FRMD4A: variants seen among roughly 807,000 people sequenced by gnomAD.
The protein encoded by FRMD4A is FERM domain-containing protein 4A.
In FRMD4A, 29 loss-of-function variants were observed where a neutral mutation model predicts 129.1. The observed-to-expected ratio is 0.22, with a 90% confidence interval of 0.17 to 0.31. The LOEUF is 0.31. Ranked by LOEUF, FRMD4A falls within the 10% of genes least tolerant of loss-of-function variation. The pLI, the probability that FRMD4A is intolerant of heterozygous loss-of-function variation, is 1.00. For missense variants in FRMD4A, 1,272 were observed against 1,375.8 expected, an observed-to-expected ratio of 0.92 and a Z score of 1.19; for synonymous variants, 634 against 571.6, an observed-to-expected ratio of 1.11 and a Z score of -1.56.
chr10:14,020,232 T>C (rs767088655), intron 2 of FRMD4A, among the ~76,000 whole-genome samples: 1 of 152,214 alleles, frequency 6.6e-6, no homozygotes, highest in Non-Finnish European at 1.5e-5. Context: ...CCCAGCAGCA[T>C]AGCAGCAGCC....
intron 8 of FRMD4A, among the ~76,000 whole-genome samples, chr10:13,751,285 G>A (rs2091610783): frequency 6.6e-6 from 1 of 152,118 alleles, no homozygotes; most frequent in Non-Finnish European, 1.5e-5. Context: ...GAGTTCTCTA[G>A]CTCTGCTCCA....
At chr10:13,972,719 C>G (rs567151695) in intron 2 of FRMD4A, among the ~76,000 whole-genome samples, 1 of 152,130 alleles carries the variant, frequency 6.6e-6, no homozygotes, top group Non-Finnish European at 1.5e-5. Flanking sequence ...CATCTGCATC[C>G]TAATTCAATA....
At chr10:14,322,019 T>C (rs1249322078) in intron 2 of FRMD4A, among the ~76,000 whole-genome samples, 1 of 152,190 alleles carries the variant, frequency 6.6e-6, no homozygotes, top group Non-Finnish European at 1.5e-5. Context: ...TCCACCATGA[T>C]TGTAAGTTTC....
chr10:13,736,421 G>A (rs4750402), intron 12 of FRMD4A, among the ~76,000 whole-genome samples: 17,882 of 152,088 alleles, frequency 0.12, 1,267 homozygotes, highest in Non-Finnish European at 0.16. Context: ...GGAGATAGCC[G>A]CAAAACAACA....
At chr10:14,182,943 T>C (rs1841960190) in intron 2 of FRMD4A, among the ~76,000 whole-genome samples, 1 of 152,172 alleles carries the variant, frequency 6.6e-6, no homozygotes, top group South Asian at 2.1e-4. Flanking sequence ...AATCCTATTC[T>C]TGAAGGTGGC....
chr10:14,006,563 G>C (rs975419058), intron 2 of FRMD4A, among the ~76,000 whole-genome samples: 2 of 152,138 alleles, frequency 1.3e-5, no homozygotes, highest in African/African-American at 2.4e-5. Flanking sequence ...CAGGCGACTG[G>C]ATTTGTGTGT....
At chr10:13,685,574 C>T in intron 15 of FRMD4A, 1 of 985,102 alleles carries the variant, frequency 1.0e-6, no homozygotes, top group South Asian at 4.7e-5. Flanking sequence ...CATCCTCATT[C>T]TGTGCTCCCA....
intron 2 of FRMD4A, among the ~76,000 whole-genome samples, chr10:14,031,951 C>T (rs969271981): frequency 2.0e-5 from 3 of 151,848 alleles, no homozygotes; most frequent in African/African-American, 2.4e-5. Flanking sequence ...TTAGAGTCAG[C>T]GGCCTTGGTT....
chr10:14,220,176 A>C (rs990218655), intron 2 of FRMD4A, among the ~76,000 whole-genome samples: 3 of 152,168 alleles, frequency 2.0e-5, no homozygotes, highest in African/African-American at 7.2e-5. Context: ...ACTGTTCAGC[A>C]CTGATGAACT....
intron 3 of FRMD4A, among the ~76,000 whole-genome samples, chr10:13,841,083 G>A (rs182502551): frequency 1.7e-3 from 257 of 152,252 alleles, no homozygotes; most frequent in Non-Finnish European, 7.8e-4. Flanking sequence ...ACTCCAGCCT[G>A]GGTGACAGAG....
intron 2 of FRMD4A, among the ~76,000 whole-genome samples, chr10:14,233,460 G>C (rs1487560196): frequency 1.3e-5 from 2 of 152,146 alleles, no homozygotes; most frequent in African/African-American, 4.8e-5. Context: ...TATAATCCCA[G>C]CTACTCAGGA....
intron 2 of FRMD4A, among the ~76,000 whole-genome samples, chr10:14,253,246 T>C (rs11597462): frequency 0.047 from 7,101 of 152,328 alleles, 201 homozygotes; most frequent in South Asian, 0.13. Flanking sequence ...GTTTGTATCA[T>C]TATTAATCAT....
At position 13,660,335 on chromosome 10, in the gene FRMD4A, A is replaced by G; in HGVS notation, c.1879T>C (p.Ser627Pro). 1 of 1,611,402 alleles carries G rather than the reference A, an allele frequency of 6.2e-7. No homozygotes were observed. Among genetic ancestry groups the G allele is most frequent in the Non-Finnish European group, 8.5e-7 (1 of 1,177,604 alleles). Residue 627 changes from serine (S) to proline (P), a missense_variant, in exon 20 of 25, where the codon TCC becomes CCC. Coordinates refer to ENST00000357447, the MANE Select transcript of FRMD4A (RefSeq NM_018027.5). ...GCTCACCTGGAATGGCTGTGAGAGG[A>G]GCGCTTCTTGACCTTCTCATAGGGT... ...DEPYEKVKKR[S>P]SHSHSSSHKR... is the part of the protein sequence containing the mutation.
chr10:13,964,742 G>C (rs1588591156), intron 2 of FRMD4A, among the ~76,000 whole-genome samples: 1 of 149,160 alleles, frequency 6.7e-6, no homozygotes, highest in Middle Eastern at 3.5e-3. Flanking sequence ...CGCGATCTCA[G>C]CTCACTGCAA....
chr10:13,720,073 G>C (rs1470273925), intron 12 of FRMD4A, among the ~76,000 whole-genome samples: 2 of 152,152 alleles, frequency 1.3e-5, no homozygotes, highest in East Asian at 3.8e-4. Flanking sequence ...TTTTGAGACA[G>C]AGTCTTGCTG....
Position 13,674,970 on chromosome 10 carries a change from G to A in FRMD4A, c.1192C>T (p.Leu398=), listed in dbSNP as rs767473594. Residue 398 remains leucine, a synonymous_variant, in exon 16 of 25, where the codon CTG becomes TTG. Coordinates refer to ENST00000357447, the MANE Select transcript of FRMD4A (RefSeq NM_018027.5). Reference sequence around the variant, plus strand: ...AGCCTCTGACGCAGGGTTTCCTCCAGAGCTTCCTGCCTGGACTTCAAGGCA... The same window carrying A: ...AGCCTCTGACGCAGGGTTTCCTCCAAAGCTTCCTGCCTGGACTTCAAGGCA... ...LAALKSRQEA[L]EETLRQRLEE... 8 of 1,614,124 alleles carry A rather than the reference G, an allele frequency of 5.0e-6. No individual in the cohort carries two copies. In the East Asian group the frequency reaches 1.8e-4, roughly 36 times the overall value.
At chr10:14,164,160 A>T (rs905331316) in intron 2 of FRMD4A, among the ~76,000 whole-genome samples, 1 of 152,228 alleles carries the variant, frequency 6.6e-6, no homozygotes, top group East Asian at 1.9e-4. Flanking sequence ...CATAGCTGGT[A>T]TATGTGGTCT....
At chr10:13,891,722 G>T (rs2131164944) in intron 2 of FRMD4A, 1 of 984,596 alleles carries the variant, frequency 1.0e-6, no homozygotes, top group Non-Finnish European at 1.2e-6. Context: ...GAAGGCCCTT[G>T]GCCTACTAGG....
At chr10:14,051,056 C>G (rs1834233350) in intron 2 of FRMD4A, among the ~76,000 whole-genome samples, 1 of 152,224 alleles carries the variant, frequency 6.6e-6, no homozygotes, top group Non-Finnish European at 1.5e-5. Flanking sequence ...GGATCTGACA[C>G]TGATTCCAGA....
Sources: allele counts gnomAD v4.1 joint callset (sites outside exome capture counted in the v4.1 genomes callset), GRCh38; gene constraint gnomAD v4.1.1; transcripts MANE v1.5; gene names NCBI Gene and HGNC (gene_info 2026-07-23, HGNC 2026-07-21).